TRAPPC9: variants seen among roughly 807,000 people sequenced by gnomAD.
The protein encoded by TRAPPC9 is trafficking protein particle complex subunit 9, also known as IKK2 binding protein.
TRAPPC9 carries 83 observed loss-of-function variants against 124.0 expected under a neutral mutation model. The ratio of observed to expected loss-of-function variants is 0.67; its 90% CI spans 0.56 to 0.80. The LOEUF (loss-of-function observed/expected upper bound fraction) is 0.80. Among genes scored for constraint, TRAPPC9 ranks in the 30% least tolerant of loss-of-function variants. The pLI is 0.00. For missense variants in TRAPPC9, 1,302 were observed against 1,508.3 expected (o/e 0.86, Z 2.27); for synonymous variants, 638 against 617.5 (o/e 1.03, Z -0.49).
rs543532602 is a variant in TRAPPC9 at position 140,072,282 on chromosome 8, C to T, written c.2557-48203G>A. ...GGGCACAGTGGCTCATGCCGTAATC[C>T]TAGCACTTTGGGAGGCTAAGGCGGG... On this transcript the variant is annotated intron_variant, in intron 17 of 22. Transcript: ENST00000438773. Among the ~76,000 whole-genome samples, 78 of 152,266 alleles carry T rather than the reference C, an allele frequency of 5.1e-4. 2 individuals are homozygous for T. In the South Asian group the frequency reaches 0.016, roughly 30 times the overall value.
At chr8:139,901,783 G>T (rs915294021) in intron 20 of TRAPPC9, among the ~76,000 whole-genome samples, 6 of 152,228 alleles carry the variant, frequency 3.9e-5, no homozygotes, top group South Asian at 2.1e-4. Flanking sequence ...GGCAGCAGCT[G>T]CCCGTGCCCC....
intron 18 of TRAPPC9, among the ~76,000 whole-genome samples, chr8:140,012,615 T>TCCTCCACCTCTCGGC (rs1435700964): frequency 6.6e-6 from 1 of 152,146 alleles, no homozygotes; most frequent in African/African-American, 2.4e-5. Flanking sequence ...AAAACCCAGG[T>TCCTCCACCTCTCGGC]CCTCCACCTC....
intron 19 of TRAPPC9, among the ~76,000 whole-genome samples, chr8:139,920,266 G>C (rs7008355): frequency 4.6e-5 from 7 of 152,236 alleles, no homozygotes; most frequent in Non-Finnish European, 1.0e-4. Context: ...GAATAACCTG[G>C]ACTCAGGAGG....
intron 21 of TRAPPC9, among the ~76,000 whole-genome samples, chr8:139,739,299 C>G (rs1051761981): frequency 3.3e-5 from 5 of 152,228 alleles, no homozygotes; most frequent in African/African-American, 1.2e-4. Flanking sequence ...TCCACCCGCC[C>G]CGCCCTGGCT....
At position 140,181,879 on chromosome 8, in the gene TRAPPC9, T is replaced by A. The variant is rs545734676; in HGVS notation, c.2556+39580A>T. ...CCATGTCTCTGTGGCCAGAGAAGTA[T>A]CTCTATGGAGCAGTTTTCTACCTGG... On this transcript the variant is annotated intron_variant, in intron 17 of 22. Transcript: ENST00000438773. Among the ~76,000 whole-genome samples the A allele has an allele frequency of 2.0e-5, 3 of 152,248 alleles. No individual in the cohort carries two copies. The South Asian group carries it at 6.2e-4, about 32-fold the overall frequency.
intron 2 of TRAPPC9, among the ~76,000 whole-genome samples, chr8:140,447,955 G>A (rs1346420313): frequency 6.6e-6 from 1 of 152,000 alleles, no homozygotes; most frequent in Non-Finnish European, 1.5e-5. Flanking sequence ...GACCAGCCTG[G>A]CCAACATGGT....
intron 4 of TRAPPC9, among the ~76,000 whole-genome samples, chr8:140,434,647 A>G (rs1322385521): frequency 6.6e-6 from 1 of 152,220 alleles, no homozygotes; most frequent in Non-Finnish European, 1.5e-5. Context: ...GATTGAAAGT[A>G]TTCAATAAAA....
At chr8:139,968,204 C>T (rs960871554) in intron 19 of TRAPPC9, among the ~76,000 whole-genome samples, 8 of 152,006 alleles carry the variant, frequency 5.3e-5, no homozygotes, top group Admixed American at 2.0e-4. Context: ...AAAAAAAGCA[C>T]AATGGTGCTT....
Position 140,252,848 on chromosome 8 carries a change from G to A in TRAPPC9, c.2360C>T (p.Thr787Met), listed in dbSNP as rs1053735990. The A allele has an allele frequency of 9.3e-6, 15 of 1,614,002 alleles. No individual in the cohort carries two copies. The highest frequency in any genetic ancestry group is 6.7e-5 in the African/African-American group (5 of 74,900). ...CTTCACTTTGATGTTGATTGTGAACGTGGCCACCTTCCCAGGCTGCAAAGG... is the reference window on the plus strand; with the variant it reads ...CTTCACTTTGATGTTGATTGTGAACATGGCCACCTTCCCAGGCTGCAAAGG... ...QFPLQPGKVA[T>M]FTINIKVKLD... The change falls in exon 16 of 23, where the codon ACG becomes ATG. Residue 787 changes from threonine (T) to methionine (M), a missense_variant. By Grantham distance (81) the Thr-to-Met change is moderately conservative (BLOSUM62 -1). This residue lies in a region of TRAPPC9 where 640 missense variants were observed against 679.3 expected (regional missense o/e 0.94). Coordinates refer to ENST00000438773, the MANE Select transcript of TRAPPC9 (RefSeq NM_001160372.4). This position sits in a 1 kb window ranked among gnomAD's most constrained non-coding sequence, Gnocchi z 4.2.
intron 18 of TRAPPC9, among the ~76,000 whole-genome samples, chr8:140,018,334 T>C (rs1253455560): frequency 2.7e-5 from 3 of 112,038 alleles, no homozygotes; most frequent in Non-Finnish European, 6.5e-5. Flanking sequence ...ATTTTTTTTT[T>C]TTTTTTTGAG....
intron 17 of TRAPPC9, among the ~76,000 whole-genome samples, chr8:140,061,980 C>G (rs960652722): frequency 1.3e-5 from 2 of 152,220 alleles, no homozygotes; most frequent in African/African-American, 4.8e-5. Flanking sequence ...GCAAATCAAG[C>G]AAAGCTAACA....
chr8:140,194,501 G>GT (rs914649484), intron 17 of TRAPPC9, among the ~76,000 whole-genome samples: 6 of 152,094 alleles, frequency 3.9e-5, no homozygotes, highest in Non-Finnish European at 5.9e-5. Flanking sequence ...TACAGATGCA[G>GT]TTTTTTTGCT....
At position 140,091,909 on chromosome 8, in the gene TRAPPC9, C is replaced by T. The variant is rs1009007473; in HGVS notation, c.2557-67830G>A. Among the ~76,000 whole-genome samples, 9 of 152,172 alleles carry T rather than the reference C, an allele frequency of 5.9e-5. No individual in the cohort carries two copies. In the South Asian group the frequency reaches 8.3e-4, roughly 14 times the overall value. ...GTGCTTTCAAGACCTTCTACAGTGG[C>T]GCCCATTCCACCTCTGCAGACCCAT... is the stretch of plus-strand genomic sequence containing the variant. On this transcript the variant is annotated intron_variant, in intron 17 of 22. Coordinates refer to ENST00000438773, the MANE Select transcript of TRAPPC9 (RefSeq NM_001160372.4).
chr8:140,424,308 AAGT>A (rs982604151), intron 5 of TRAPPC9, among the ~76,000 whole-genome samples: 9 of 152,068 alleles, frequency 5.9e-5, no homozygotes, highest in African/African-American at 2.2e-4. Flanking sequence ...ATTTTACGTA[AAGT>A]AGTTGCTGAA....
rs2060482904 is a variant in TRAPPC9 at position 140,097,837 on chromosome 8, T to C, written c.2557-73758A>G. ...GGGTCATGACGCCTACCCAGGTCCT[T>C]AGTGCGTGGCTACAGACGTGCCGCA... On this transcript the variant is annotated intron_variant, in intron 17 of 22. Coordinates refer to ENST00000438773, the MANE Select transcript of TRAPPC9 (RefSeq NM_001160372.4). The surrounding 1 kb of genome is among the most constrained non-coding windows in gnomAD (Gnocchi z 4.2). The C allele has an allele frequency of 6.6e-6, 1 of 151,988 alleles. No homozygotes were observed. The highest frequency in any genetic ancestry group is 1.5e-5 in the Non-Finnish European group (1 of 67,992). 9.4% of individuals were successfully genotyped at this position (151,988 alleles called of 1,614,324 possible).
At chr8:140,015,087 T>G (rs892965913) in intron 18 of TRAPPC9, among the ~76,000 whole-genome samples, 4 of 152,280 alleles carry the variant, frequency 2.6e-5, no homozygotes, top group African/African-American at 9.6e-5. Context: ...TGATTCATGT[T>G]ATGCCAGCAG....
At chr8:140,237,645 A>G (rs937736348) in intron 16 of TRAPPC9, among the ~76,000 whole-genome samples, 1 of 152,056 alleles carries the variant, frequency 6.6e-6, no homozygotes, top group African/African-American at 2.4e-5. Context: ...AATTCCTGGA[A>G]TATAAACCAC....
chr8:140,092,966 G>A (rs1186163453), intron 17 of TRAPPC9, among the ~76,000 whole-genome samples: 1 of 151,134 alleles, frequency 6.6e-6, no homozygotes, highest in Non-Finnish European at 1.5e-5. Context: ...AGATTATTAT[G>A]AAATCAAATT....
chr8:140,055,376 A>G (rs1842239817), intron 17 of TRAPPC9, among the ~76,000 whole-genome samples: 2 of 152,220 alleles, frequency 1.3e-5, no homozygotes, highest in Admixed American at 1.3e-4. Flanking sequence ...CCTCGATAAA[A>G]TACAAACCAT....
Sources: gnomAD v4.1 joint callset for allele counts (sites outside exome capture counted in the v4.1 genomes callset) on GRCh38, gnomAD v4.1.1 for gene constraint, gnomAD v4.1.1 regional missense constraint, Gnocchi (gnomAD v3.1) non-coding constraint, MANE v1.5 for transcripts, NCBI Gene and HGNC (gene_info 2026-07-23, HGNC 2026-07-21) for gene names.